ANGPTL5: variants seen among roughly 807,000 people sequenced by gnomAD.
The protein encoded by ANGPTL5 is angiopoietin like 5.
Under a neutral mutation model 39.4 loss-of-function variants are expected in ANGPTL5, and 34 were observed. That is an observed-to-expected ratio of 0.86 (90% CI 0.66 to 1.15). The LOEUF (loss-of-function observed/expected upper bound fraction) is 1.15, where lower values mean the gene tolerates loss of function less well. Ranked by LOEUF, ANGPTL5 falls within the 50% of genes most tolerant of loss-of-function variation. The pLI, the probability that ANGPTL5 is intolerant of heterozygous loss-of-function variation, is 0.00. For missense variants in ANGPTL5, 467 were observed against 457.5 expected (o/e 1.02, Z -0.19); for synonymous variants, 146 against 152.1 (o/e 0.96, Z 0.29).
chr11:101,895,415 C>T (rs1248640675), intron 7 of ANGPTL5, among the ~76,000 whole-genome samples: 1 of 151,926 alleles, frequency 6.6e-6, no homozygotes, highest in Non-Finnish European at 1.5e-5. Flanking sequence ...CAAATTTTAC[C>T]TTAAGGCATT....
chr11:101,895,579 TA>T (rs1939777327), intron 7 of ANGPTL5, among the ~76,000 whole-genome samples: 1 of 152,344 alleles, frequency 6.6e-6, no homozygotes, highest in African/African-American at 2.4e-5. Flanking sequence ...AATACTTTCT[TA>T]ACAGACACTT....
Position 101,905,740 on chromosome 11 carries a change from A to T in ANGPTL5, c.345+4T>A, listed in dbSNP as rs1206113250. 2 of 1,572,448 alleles carry T rather than the reference A, an allele frequency of 1.3e-6. No individual in the cohort carries two copies. Among genetic ancestry groups the T allele is most frequent in the Non-Finnish European group, 1.7e-6 (2 of 1,143,106 alleles). Reference sequence around the variant, plus strand: ...ATAACAACACAATACTAAAACATCTATACCTGATTAGATAAATAATCCAAG... The same window carrying T: ...ATAACAACACAATACTAAAACATCTTTACCTGATTAGATAAATAATCCAAG... On this transcript the variant is annotated splice_donor_region_variant and intron_variant, in intron 4 of 8. Transcript: ENST00000334289.
intron 1 of ANGPTL5, chr11:101,915,181 T>C (rs1012539266): frequency 1.1e-4 from 162 of 1,524,070 alleles, no homozygotes; most frequent in Non-Finnish European, 1.3e-4. Context: ...ACGCGGGGCC[T>C]GAGAGACGGA....
intron 1 of ANGPTL5, 32 bp from the exon 2 acceptor site, chr11:101,908,033 A>G (rs906156343): frequency 1.4e-6 from 1 of 705,498 alleles, no homozygotes; most frequent in African/African-American, 1.8e-5. Flanking sequence ...CATAAGCCAA[A>G]ACTTACTAGT....
intron 1 of ANGPTL5, among the ~76,000 whole-genome samples, chr11:101,910,268 G>A (rs192420050): frequency 5.9e-5 from 9 of 151,870 alleles, no homozygotes; most frequent in African/African-American, 2.2e-4. Flanking sequence ...AAATTAGCTG[G>A]GCGTGGTGGC....
Position 101,907,971 on chromosome 11 carries a change from T to TG in ANGPTL5, c.-63_-62insC. The TG allele has an allele frequency of 8.3e-7, 1 of 1,208,278 alleles. No homozygotes were observed. Among genetic ancestry groups the TG allele is most frequent in the Non-Finnish European group, 1.2e-6 (1 of 822,406 alleles). 74.8% of individuals were successfully genotyped at this position (1,208,278 alleles called of 1,614,324 possible). Reference sequence around the variant, plus strand: ...TCAGTCAGCTCTTTGTGGAAAGAACTACAGAGCATAGAGTCTTCAGTTAAA... The same window carrying TG: ...TCAGTCAGCTCTTTGTGGAAAGAACTGACAGAGCATAGAGTCTTCAGTTAAA... On this transcript the variant is annotated 5_prime_UTR_variant, in exon 2 of 9. The change creates a premature stop within an existing upstream ORF in the 5' untranslated region. Coordinates refer to ENST00000334289, the MANE Select transcript of ANGPTL5 (RefSeq NM_178127.5).
chr11:101,900,952 C>T (rs1164049021), intron 6 of ANGPTL5, among the ~76,000 whole-genome samples: 2 of 151,086 alleles, frequency 1.3e-5, no homozygotes, highest in East Asian at 1.9e-4. Context: ...CCCGGGTTCA[C>T]GCCATTCTCC....
At chr11:101,908,100 A>G (rs534408773) in intron 1 of ANGPTL5, 99 bp from the exon 2 acceptor site, 2 of 505,112 alleles carry the variant, frequency 4.0e-6, no homozygotes, top group South Asian at 4.4e-5. Context: ...TAGCCTCTGG[A>G]GATCCTGACA....
At chr11:101,905,705 T>G (rs969947261) in intron 4 of ANGPTL5, 39 bp downstream of exon 4, 9 of 1,348,220 alleles carry the variant, frequency 6.7e-6, no homozygotes, top group Non-Finnish European at 9.6e-6. Flanking sequence ...TACATCAACG[T>G]GTACATGCAA....
At chr11:101,896,825 T>C (rs1939806113) in intron 7 of ANGPTL5, among the ~76,000 whole-genome samples, 1 of 152,208 alleles carries the variant, frequency 6.6e-6, no homozygotes, top group Admixed American at 6.5e-5. Flanking sequence ...TACATGTACA[T>C]GTGTCTTTAT....
chr11:101,905,797 G>A lies in ANGPTL5; in HGVS notation c.292C>T (p.Leu98=). 6.2e-7 allele frequency: 1 copy of A among 1,612,144 alleles called. No homozygotes were observed. Among genetic ancestry groups the A allele is most frequent in the Admixed American group, 1.7e-5 (1 of 59,960 alleles). The stretch of plus-strand genomic sequence containing the variant: ...TGTTGCTCATCCATCATATTCCTTA[G>A]TAGTTTTTTGGTACTTCTTGTGTAG... ...VSYTRSTKKL[L]RNMMDEQQAS... Residue 98 remains leucine (L), a synonymous_variant, in exon 4 of 9, where the codon CTA becomes TTA. Transcript: ENST00000334289.
At chr11:101,906,688 A>C (rs1009630386) in intron 3 of ANGPTL5, among the ~76,000 whole-genome samples, 1 of 152,118 alleles carries the variant, frequency 6.6e-6, no homozygotes, top group African/African-American at 2.4e-5. Context: ...ATTCTTTAAA[A>C]TTTTATTTTC....
At chr11:101,895,136 G>T (rs1346420884) in intron 7 of ANGPTL5, 72 bp from the exon 8 acceptor site, 1 of 1,264,236 alleles carries the variant, frequency 7.9e-7, no homozygotes, top group African/African-American at 1.5e-5. Context: ...TGAATGTTTG[G>T]TCTTGTTTAG....
intron 7 of ANGPTL5, among the ~76,000 whole-genome samples, 194 bp from the exon 8 acceptor site, chr11:101,895,258 C>T (rs1471465253): frequency 2.6e-5 from 4 of 152,170 alleles, no homozygotes; most frequent in African/African-American, 9.7e-5. Context: ...CCTACTTCTA[C>T]TTCACCAGAC....
rs1034087734 is a variant in ANGPTL5 at position 101,891,381 on chromosome 11, T to C, written c.1065A>G (p.Ala355=). The C allele has an allele frequency of 6.8e-6, 11 of 1,613,974 alleles. No individual in the cohort carries two copies. In the African/African-American group the frequency reaches 9.3e-5, roughly 14 times the overall value. Residue 355 remains alanine, a synonymous_variant, in exon 9 of 9, where the codon GCA becomes GCG. Coordinates refer to ENST00000334289, the MANE Select transcript of ANGPTL5 (RefSeq NM_178127.5). ...GIHHFSGKLL[A]TGIQWGTWTK... is the part of the protein sequence containing the mutation. Reference sequence around the variant, plus strand: ...TCCACGTGCCCCATTGAATTCCAGTTGCAAGCAATTTTCCAGAGAAGTGAT... The same window carrying C: ...TCCACGTGCCCCATTGAATTCCAGTCGCAAGCAATTTTCCAGAGAAGTGAT...
rs150366251 is a variant in ANGPTL5, at chr11:101,899,379, C to T, written c.661+1051G>A. ...CCTCTCAAAGTGCTGGGGTTACAGG[C>T]GTGAGCCACTACACCCAGCCCCAAA... On this transcript the variant is annotated intron_variant, in intron 7 of 8. Transcript: ENST00000334289. Among the ~76,000 whole-genome samples, 657 of 152,312 alleles carry T rather than the reference C, an allele frequency of 4.3e-3. 5 individuals carry two copies. Among genetic ancestry groups the T allele is most frequent in the African/African-American group, 0.015 (630 of 41,570 alleles).
At chr11:101,897,559 C>T (rs1939822145) in intron 7 of ANGPTL5, among the ~76,000 whole-genome samples, 1 of 152,182 alleles carries the variant, frequency 6.6e-6, no homozygotes, top group African/African-American at 2.4e-5. Flanking sequence ...GATCCAGTTT[C>T]AGTTTTCCGC....
chr11:101,891,436 T>C lies in ANGPTL5; in HGVS notation c.1010A>G (p.Glu337Gly). ...GCCATTTAGATTTGCTAGACCACACTCGTTAAACCACCAGCCGGTCTTGTT... is the reference window on the plus strand; with the variant it reads ...GCCATTTAGATTTGCTAGACCACACCCGTTAAACCACCAGCCGGTCTTGTT... ...LHNKTGWWFN[E>G]CGLANLNGIH... The change falls in exon 9 of 9, where the codon GAG (glutamate) becomes GGG (glycine). Residue 337 changes from glutamate (E) to glycine (G), a missense_variant. By Grantham distance (98) the Glu-to-Gly change is moderately conservative. Transcript: ENST00000334289. The C allele has an allele frequency of 6.2e-7, 1 of 1,614,004 alleles. No homozygotes were observed. The highest frequency in any genetic ancestry group is 1.1e-5 in the South Asian group (1 of 91,074).
intron 7 of ANGPTL5, among the ~76,000 whole-genome samples, chr11:101,896,098 C>T (rs1290464227): frequency 6.6e-6 from 1 of 152,080 alleles, no homozygotes; most frequent in Non-Finnish European, 1.5e-5. Flanking sequence ...CCCCTGCCAT[C>T]ATTTCCCAGT....
Sources: gnomAD v4.1 joint callset for allele counts (sites outside exome capture counted in the v4.1 genomes callset) on GRCh38, gnomAD v4.1.1 for gene constraint, MANE v1.5 for transcripts, NCBI Gene and HGNC (gene_info 2026-07-23, HGNC 2026-07-21) for gene names.